Variants in CFAP299 observed in about 807,000 individuals in gnomAD.
CFAP299 encodes the protein cilia and flagella associated protein 299.
In CFAP299, 21 loss-of-function variants were observed where a neutral mutation model predicts 27.0. That is an observed-to-expected ratio of 0.78 (90% CI 0.55 to 1.12). CFAP299 has a LOEUF of 1.12. CFAP299 is among the 50% of genes most tolerant of loss of function. CFAP299 has a pLI of 0.00. For synonymous variants in CFAP299, 104 were observed against 98.1 expected, an observed-to-expected ratio of 1.06 and a Z score of -0.36; for missense variants, 310 against 276.6, an observed-to-expected ratio of 1.12 and a Z score of -0.86.
At chr4:80,797,754 G>A (rs1727952309) in intron 3 of CFAP299, among the ~76,000 whole-genome samples, 1 of 152,044 alleles carries the variant, frequency 6.6e-6, no homozygotes, top group East Asian at 1.9e-4. Flanking sequence ...TGTATCTTCT[G>A]GGCCTTCCCA....
intron 2 of CFAP299, among the ~76,000 whole-genome samples, chr4:80,473,203 C>T (rs578023683): frequency 6.6e-6 from 1 of 152,146 alleles, no homozygotes; most frequent in African/African-American, 2.4e-5. Flanking sequence ...GGAAAGCCTG[C>T]ATAGAGGGGG....
At chr4:80,762,963 T>C (rs1483344795) in intron 3 of CFAP299, among the ~76,000 whole-genome samples, 1 of 152,198 alleles carries the variant, frequency 6.6e-6, no homozygotes, top group African/African-American at 2.4e-5. Context: ...TTTCTTTCTT[T>C]TCTTTCCACA....
At chr4:80,831,046 A>C (rs947446720) in intron 3 of CFAP299, among the ~76,000 whole-genome samples, 3 of 152,088 alleles carry the variant, frequency 2.0e-5, no homozygotes, top group Non-Finnish European at 2.9e-5. Flanking sequence ...AAGGCAATAA[A>C]AGACTGTTCA....
chr4:80,586,320 T>C (rs1736437127), intron 3 of CFAP299, among the ~76,000 whole-genome samples: 1 of 152,094 alleles, frequency 6.6e-6, no homozygotes, highest in African/African-American at 2.4e-5. Flanking sequence ...AAAATAGATA[T>C]AGAAAATATG....
chr4:80,429,265 A>G lies in CFAP299; in HGVS notation c.242+66381A>G, dbSNP rs752031941. Among the ~76,000 whole-genome samples the G allele has an allele frequency of 5.9e-5, 9 of 152,360 alleles. No homozygotes were observed. In the South Asian group the frequency reaches 6.2e-4, roughly 11 times the overall value. ...GAAACAATAATGAAACAATAAGGGCACATTTAATTGAAAGAATCATGTAGT... is the reference window on the plus strand; with the variant it reads ...GAAACAATAATGAAACAATAAGGGCGCATTTAATTGAAAGAATCATGTAGT... On this transcript the variant is annotated intron_variant, in intron 2 of 5. Transcript: ENST00000358105.
chr4:80,601,206 TA>T (rs1737331055), intron 3 of CFAP299, among the ~76,000 whole-genome samples: 1 of 152,158 alleles, frequency 6.6e-6, no homozygotes, highest in South Asian at 2.1e-4. Context: ...TATCTAAGAT[TA>T]ATTGGAGAAG....
At chr4:80,688,783 T>C (rs1578020634) in intron 3 of CFAP299, among the ~76,000 whole-genome samples, 1 of 151,918 alleles carries the variant, frequency 6.6e-6, no homozygotes, top group African/African-American at 2.4e-5. Flanking sequence ...GCAAAGAAGT[T>C]GAAAACTTTG....
intron 2 of CFAP299, among the ~76,000 whole-genome samples, chr4:80,521,872 A>G (rs1228083792): frequency 6.6e-6 from 1 of 152,010 alleles, no homozygotes; most frequent in Non-Finnish European, 1.5e-5. Context: ...TAAGTATCCA[A>G]TGGACACTTA....
intron 2 of CFAP299, among the ~76,000 whole-genome samples, chr4:80,508,493 A>C (rs938144501): frequency 5.3e-5 from 8 of 152,124 alleles, no homozygotes; most frequent in Admixed American, 4.6e-4. Flanking sequence ...TAATGGCCTT[A>C]TCTCTCTTTT....
At chr4:80,646,311 A>C (rs1202096300) in intron 3 of CFAP299, among the ~76,000 whole-genome samples, 2 of 152,192 alleles carry the variant, frequency 1.3e-5, no homozygotes, top group African/African-American at 4.8e-5. Flanking sequence ...ATATTTAGTC[A>C]GCCTGGAAAT....
chr4:80,541,059 G>A (rs1444453441), intron 2 of CFAP299, among the ~76,000 whole-genome samples: 1 of 152,030 alleles, frequency 6.6e-6, no homozygotes, highest in Non-Finnish European at 1.5e-5. Flanking sequence ...AGAGAAATTT[G>A]CTTCCCCTAA....
chr4:80,933,768 A>G (rs771313182), intron 4 of CFAP299, among the ~76,000 whole-genome samples: 4 of 152,000 alleles, frequency 2.6e-5, no homozygotes, highest in Non-Finnish European at 4.4e-5. Flanking sequence ...CAGAACTTTT[A>G]TTATTGATTT....
At chr4:80,825,398 A>G (rs892402946) in intron 3 of CFAP299, among the ~76,000 whole-genome samples, 2 of 150,900 alleles carry the variant, frequency 1.3e-5, no homozygotes, top group Admixed American at 6.6e-5. Flanking sequence ...AGACATGCAT[A>G]TAAACATATG....
At chr4:80,340,287 C>T (rs910707750) in intron 1 of CFAP299, among the ~76,000 whole-genome samples, 1 of 152,182 alleles carries the variant, frequency 6.6e-6, no homozygotes, top group African/African-American at 2.4e-5. Flanking sequence ...TCCCACAGAT[C>T]GTTGCAACCC....
At chr4:80,609,693 A>G (rs1180009353) in intron 3 of CFAP299, among the ~76,000 whole-genome samples, 1 of 151,912 alleles carries the variant, frequency 6.6e-6, no homozygotes, top group Non-Finnish European at 1.5e-5. Context: ...TTGTTTATTT[A>G]ACATTTGTGG....
rs75702185 is a variant in CFAP299 at position 80,367,726 on chromosome 4, A to G, written c.242+4842A>G. On this transcript the variant is annotated intron_variant, in intron 2 of 5. Coordinates refer to ENST00000358105, the MANE Select transcript of CFAP299 (RefSeq NM_152770.3). ...ATTCATTCCACTGGTTATAGTAGCC[A>G]TAAGACAGAAGCTGTAGAGGTTGGA... Among the ~76,000 whole-genome samples, 1,248 of 152,276 alleles carry G rather than the reference A, an allele frequency of 8.2e-3. 16 individuals carry two copies. Among genetic ancestry groups the G allele is most frequent in the African/African-American group, 0.029 (1,192 of 41,546 alleles).
chr4:80,589,635 A>C (rs925956550), intron 3 of CFAP299, among the ~76,000 whole-genome samples: 4 of 152,204 alleles, frequency 2.6e-5, no homozygotes, highest in African/African-American at 9.6e-5. Context: ...AACTGAACAG[A>C]TTATAAACAG....
At chr4:80,931,930 G>T (rs1736645071) in intron 4 of CFAP299, among the ~76,000 whole-genome samples, 1 of 152,136 alleles carries the variant, frequency 6.6e-6, no homozygotes, top group South Asian at 2.1e-4. Flanking sequence ...GGCTTCAAAA[G>T]TCCCACTTGG....
At chr4:80,849,401 A>G (rs910860482) in intron 3 of CFAP299, among the ~76,000 whole-genome samples, 1 of 152,198 alleles carries the variant, frequency 6.6e-6, no homozygotes, top group Non-Finnish European at 1.5e-5. Flanking sequence ...TCAGATGGGA[A>G]GCAGAGGAAA....
Sources: allele counts gnomAD v4.1 joint callset (sites outside exome capture counted in the v4.1 genomes callset), GRCh38; gene constraint gnomAD v4.1.1; transcripts MANE v1.5; gene names NCBI Gene and HGNC (gene_info 2026-07-23, HGNC 2026-07-21).